FRYL: variants seen among roughly 807,000 people sequenced by gnomAD.
FRYL encodes FRY like transcription coactivator, also known as protein furry homolog-like.
A neutral mutation model predicts 351.2 loss-of-function variants in FRYL; 150 were observed. That is an observed-to-expected ratio of 0.43 (90% CI 0.37 to 0.49). The LOEUF (loss-of-function observed/expected upper bound fraction) is 0.49. Among genes scored for constraint, FRYL ranks in the 20% least tolerant of loss-of-function variants. FRYL has a pLI of 0.00. For missense variants in FRYL, 3,036 were observed against 3,619.3 expected, an observed-to-expected ratio of 0.84 and a Z score of 4.13; for synonymous variants, 1,153 against 1,257.1, an observed-to-expected ratio of 0.92 and a Z score of 1.75.
intron 4 of FRYL, among the ~76,000 whole-genome samples, chr4:48,630,578 A>G (rs1205910220): frequency 6.6e-6 from 1 of 152,146 alleles, no homozygotes; most frequent in Non-Finnish European, 1.5e-5. Flanking sequence ...TCCTTTTAGG[A>G]AAAAAGGACC....
intron 49 of FRYL, 53 bp from the exon 50 acceptor site, chr4:48,531,406 GAAC>G (rs1182118884): frequency 2.7e-6 from 3 of 1,111,330 alleles, no homozygotes; most frequent in Non-Finnish European, 4.1e-6. Flanking sequence ...ATTCAACTAA[GAAC>G]AACAATTTAC....
intron 1 of FRYL, among the ~76,000 whole-genome samples, chr4:48,758,003 T>C (rs1175807618): frequency 6.6e-6 from 1 of 152,182 alleles, no homozygotes; most frequent in Non-Finnish European, 1.5e-5. Flanking sequence ...CCCTATTTAA[T>C]AAATGGTGCT....
At chr4:48,711,380 C>A in intron 1 of FRYL, among the ~76,000 whole-genome samples, 1 of 152,396 alleles carries the variant, frequency 6.6e-6, no homozygotes, top group Non-Finnish European at 1.5e-5. Context: ...GCTTTTCCAA[C>A]GGGCTTAAAA....
At chr4:48,715,509 A>G (rs1768690888) in intron 1 of FRYL, among the ~76,000 whole-genome samples, 2 of 151,536 alleles carry the variant, frequency 1.3e-5, no homozygotes, top group Non-Finnish European at 3.0e-5. Flanking sequence ...ATCATGAGTG[A>G]ACTCCCATTC....
At chr4:48,687,646 T>C (rs1765287239) in intron 2 of FRYL, among the ~76,000 whole-genome samples, 1 of 152,154 alleles carries the variant, frequency 6.6e-6, no homozygotes, top group African/African-American at 2.4e-5. Flanking sequence ...TGCCACAAAT[T>C]TATCTTAATT....
intron 7 of FRYL, among the ~76,000 whole-genome samples, chr4:48,614,887 C>T (rs867456074): frequency 7.4e-5 from 10 of 135,954 alleles, no homozygotes; most frequent in Admixed American, 1.6e-4. Context: ...AGTGCAGTGG[C>T]GCGATCTCGG....
At position 48,634,615 on chromosome 4, in the gene FRYL, ATAATCCATTTTGTC is replaced by A. The variant is rs565673596; in HGVS notation, c.-80-139_-80-126del. ...ACCAGTTCTCCCAATCTCCTCTACC[ATAATCCATTTTGTC>A]TATTTCTAACATACTAACATATTTA... On this transcript the variant is annotated intron_variant, in intron 3 of 63. Coordinates refer to ENST00000358350, the MANE Select transcript of FRYL (RefSeq NM_015030.2). 2.8e-4 allele frequency: 168 copies of A among 598,544 alleles called. 2 individuals are homozygous for A. In the East Asian group the frequency reaches 5.5e-3, roughly 19 times the overall value. 37.1% of individuals were successfully genotyped at this position (598,544 alleles called of 1,614,324 possible).
In FRYL at chr4:48,578,508, T is replaced by C. The variant is rs1740169096; in HGVS notation, c.2528+465A>G. Among the ~76,000 whole-genome samples, 6 of 152,196 alleles carry C rather than the reference T, an allele frequency of 3.9e-5. No individual in the cohort carries two copies. In the South Asian group the frequency reaches 1.2e-3, roughly 32 times the overall value. On this transcript the variant is annotated intron_variant, in intron 23 of 63. Coordinates refer to ENST00000358350, the MANE Select transcript of FRYL (RefSeq NM_015030.2). ...TTTCATCATCAGTTATTCCAAATCT[T>C]TACCAACATCCTCAAATCTCCTACT... is the stretch of plus-strand genomic sequence containing the variant.
At chr4:48,535,906 C>A in intron 47 of FRYL, 79 bp from the exon 48 acceptor site, 1 of 1,080,932 alleles carries the variant, frequency 9.3e-7, no homozygotes, top group Non-Finnish European at 1.2e-6. Flanking sequence ...AATGTATTCG[C>A]TTAATGAAAT....
At chr4:48,591,745 T>C (rs1743282401) in intron 16 of FRYL, among the ~76,000 whole-genome samples, 1 of 152,122 alleles carries the variant, frequency 6.6e-6, no homozygotes, top group Non-Finnish European at 1.5e-5. Context: ...TATACTTACA[T>C]GGCTTCATTT....
rs148070138 is a variant in FRYL at position 48,775,716 on chromosome 4, G to A, written c.-384+4362C>T. ...TTTTTAATCCTCTCTCTCTTGAGAA[G>A]AATAATCAAGAAATAAGAAGAAATT... On this transcript the variant is annotated intron_variant, in intron 1 of 63. Coordinates refer to ENST00000358350, the MANE Select transcript of FRYL (RefSeq NM_015030.2). Among the ~76,000 whole-genome samples, 36 of 152,256 alleles carry A rather than the reference G, an allele frequency of 2.4e-4. No homozygotes were observed. The East Asian group carries it at 6.0e-3, about 25-fold the overall frequency.
chr4:48,723,821 C>T (rs1261705655), intron 1 of FRYL, among the ~76,000 whole-genome samples: 1 of 151,698 alleles, frequency 6.6e-6, no homozygotes, highest in Non-Finnish European at 1.5e-5. Flanking sequence ...CATGGTAGCT[C>T]ACACCTGTAA....
In FRYL at chr4:48,590,724, T is replaced by C. The variant is rs1471562239; in HGVS notation, c.1442A>G (p.Asn481Ser). 1 of 1,613,244 alleles carries C rather than the reference T, an allele frequency of 6.2e-7. No individual in the cohort carries two copies. The highest frequency in any genetic ancestry group is 1.1e-5 in the South Asian group (1 of 91,020). ...AAATATTTTCTTTACACGAAGAGTA[T>C]TTCCTGAGGGAAGAATAACTCCTGT... Reference protein sequence around the residue: ...PTTGVILPSGNTLRVKKIFLN... With the variant: ...PTTGVILPSGSTLRVKKIFLN... Residue 481 changes from asparagine (N) to serine (S), a missense_variant, in exon 17 of 64, where the codon AAT becomes AGT. Transcript: ENST00000358350.
chr4:48,653,267 G>A (rs1250218836), intron 3 of FRYL, among the ~76,000 whole-genome samples: 1 of 152,168 alleles, frequency 6.6e-6, no homozygotes, highest in Non-Finnish European at 1.5e-5. Context: ...ATGAGGGAAA[G>A]CTATTATCAT....
At chr4:48,561,812 C>G (rs1735566994) in intron 32 of FRYL, among the ~76,000 whole-genome samples, 176 bp from the exon 33 acceptor site, 3 of 152,076 alleles carry the variant, frequency 2.0e-5, no homozygotes, top group Admixed American at 2.0e-4. Flanking sequence ...GCCAGGAGTT[C>G]CAGACTAGCC....
chr4:48,581,725 A>G, intron 20 of FRYL, 120 bp from the exon 21 acceptor site: 1 of 744,046 alleles, frequency 1.3e-6, no homozygotes, highest in Non-Finnish European at 2.1e-6. Context: ...CCTCAGCTCA[A>G]GCAATGTAAA....
chr4:48,735,903 A>G (rs1362338311), intron 1 of FRYL, among the ~76,000 whole-genome samples: 1 of 118,000 alleles, frequency 8.5e-6, no homozygotes, highest in Non-Finnish European at 1.7e-5. Flanking sequence ...GCGCACCAGC[A>G]TGGCACATGT....
In FRYL at chr4:48,553,379, T is replaced by C. The variant is rs199866090; in HGVS notation, c.4271A>G (p.Lys1424Arg). ...TCTACCTAAATATACAATGACCTTC[T>C]TCACCTGTCACAAAAGAAATCGTTC... ...NSEPSLLPYV[K>R]KVIVYLGRDK... The change falls in exon 36 of 64, where the codon AAG (lysine) becomes AGG (arginine). Residue 1424 changes from lysine (K) to arginine (R), a missense_variant. Lys to Arg is a conservative substitution (Grantham distance 26). Transcript: ENST00000358350. 3 of 1,602,666 alleles carry C rather than the reference T, an allele frequency of 1.9e-6. No individual in the cohort carries two copies. The highest frequency in any genetic ancestry group is 1.7e-5 in the Admixed American group (1 of 57,716).
At chr4:48,600,182 A>G (rs1745428593) in intron 13 of FRYL, among the ~76,000 whole-genome samples, 1 of 152,194 alleles carries the variant, frequency 6.6e-6, no homozygotes, top group Non-Finnish European at 1.5e-5. Flanking sequence ...TGGATCTCAA[A>G]ATAGTTTAGG....
Sources: allele counts gnomAD v4.1 joint callset (sites outside exome capture counted in the v4.1 genomes callset), GRCh38; gene constraint gnomAD v4.1.1; transcripts MANE v1.5; gene names NCBI Gene and HGNC (gene_info 2026-07-23, HGNC 2026-07-21).